The following NRXN3 variants were observed in gnomAD, a reference collection of about 807,000 sequenced individuals.
NRXN3 encodes neurexin 3.
NRXN3 carries 32 observed loss-of-function variants against 137.6 expected under a neutral mutation model. The ratio of observed to expected loss-of-function variants is 0.23; its 90% CI spans 0.18 to 0.31. NRXN3 has a LOEUF of 0.31. NRXN3 is among the 10% of genes least tolerant of loss of function. The pLI, the probability that NRXN3 is intolerant of heterozygous loss-of-function variation, is 1.00. For missense variants in NRXN3, 1,574 were observed against 2,062.5 expected (o/e 0.76, Z 4.59); for synonymous variants, 798 against 784.5 (o/e 1.02, Z -0.29).
chr14:78,666,958 T>A (rs567508109), intron 6 of NRXN3, among the ~76,000 whole-genome samples: 1 of 152,320 alleles, frequency 6.6e-6, no homozygotes, highest in East Asian at 1.9e-4. Flanking sequence ...CTTTTCCTAT[T>A]ACTCTAAATG....
At chr14:79,829,172 G>A in intron 20 of NRXN3, among the ~76,000 whole-genome samples, 1 of 152,244 alleles carries the variant, frequency 6.6e-6, no homozygotes. Context: ...TTGGGTTTGT[G>A]TGCTTACAGT....
chr14:79,442,560 A>G (rs533671222), intron 15 of NRXN3, among the ~76,000 whole-genome samples: 1 of 152,340 alleles, frequency 6.6e-6, no homozygotes, highest in African/African-American at 2.4e-5. Context: ...CACAGCAGGG[A>G]CAGGACATGG....
chr14:79,446,673 C>T (rs1024594421), intron 15 of NRXN3, among the ~76,000 whole-genome samples: 82 of 152,172 alleles, frequency 5.4e-4, no homozygotes, highest in African/African-American at 1.9e-3. Flanking sequence ...TTCTTTTTCT[C>T]CTATCCCAAA....
At chr14:79,550,137 T>C (rs569280007) in intron 16 of NRXN3, among the ~76,000 whole-genome samples, 54 of 152,078 alleles carry the variant, frequency 3.6e-4, no homozygotes, top group Non-Finnish European at 6.6e-4. Context: ...ACCAAGCTAA[T>C]TTTTTTATTT....
At chr14:79,773,967 C>G (rs2139891006) in intron 19 of NRXN3, among the ~76,000 whole-genome samples, 1 of 151,812 alleles carries the variant, frequency 6.6e-6, no homozygotes, top group African/African-American at 2.4e-5. Context: ...AATGAATAAA[C>G]TAATTAATAA....
chr14:78,834,888 G>C (rs1027674652), intron 10 of NRXN3, among the ~76,000 whole-genome samples: 1 of 152,290 alleles, frequency 6.6e-6, no homozygotes, highest in Admixed American at 6.5e-5. Flanking sequence ...AGAAAAGAGA[G>C]AGAGGATGCT....
chr14:78,320,666 T>C (rs1211555960), intron 4 of NRXN3, among the ~76,000 whole-genome samples: 1 of 152,204 alleles, frequency 6.6e-6, no homozygotes, highest in African/African-American at 2.4e-5. Context: ...TGCCTCACGC[T>C]GGTGGTCAAC....
intron 8 of NRXN3, among the ~76,000 whole-genome samples, chr14:78,765,229 C>G (rs1276908450): frequency 2.6e-5 from 4 of 152,154 alleles, no homozygotes; most frequent in Non-Finnish European, 5.9e-5. Context: ...TCTTGGCTCA[C>G]TGCAACCTCC....
intron 4 of NRXN3, among the ~76,000 whole-genome samples, chr14:78,513,710 G>A (rs1050250055): frequency 1.3e-5 from 2 of 152,076 alleles, no homozygotes; most frequent in African/African-American, 4.8e-5. Flanking sequence ...TTTTATGGTG[G>A]TCTGTAACAT....
At chr14:78,448,117 A>T (rs560500652) in intron 4 of NRXN3, among the ~76,000 whole-genome samples, 1 of 151,912 alleles carries the variant, frequency 6.6e-6, no homozygotes, top group Non-Finnish European at 1.5e-5. Context: ...AACCATAATA[A>T]TTTTTTCCTT....
chr14:78,555,254 A>G (rs1219369869), intron 4 of NRXN3, among the ~76,000 whole-genome samples: 4 of 152,214 alleles, frequency 2.6e-5, no homozygotes, highest in African/African-American at 9.6e-5. Context: ...ATGATTTCAT[A>G]TGCAATTTTG....
chr14:78,940,528 A>G (rs982536687), intron 10 of NRXN3, among the ~76,000 whole-genome samples: 3 of 152,154 alleles, frequency 2.0e-5, no homozygotes, highest in Admixed American at 2.0e-4. Flanking sequence ...TTCTCCTTTT[A>G]TCTCCAGCCA....
rs144267643 is a variant in NRXN3, at chr14:79,160,676, A to C, written c.3262+172535A>C. 4.7e-3 allele frequency among the ~76,000 whole-genome samples: 708 copies of C among 152,044 alleles called. 3 individuals are homozygous for C. Among genetic ancestry groups the C allele is most frequent in the Non-Finnish European group, 8.4e-3 (571 of 67,900 alleles). On this transcript the variant is annotated intron_variant, in intron 15 of 20. Coordinates refer to ENST00000335750, the MANE Select transcript of NRXN3 (RefSeq NM_001330195.2). Reference sequence around the variant, plus strand: ...AGCTTTCAGTAATCTCAAGGAAAAAAAAACACTTGCCATCTGCAATTTACT... The same window carrying C: ...AGCTTTCAGTAATCTCAAGGAAAAACAAACACTTGCCATCTGCAATTTACT...
At chr14:79,425,344 G>A (rs1380029617) in intron 15 of NRXN3, among the ~76,000 whole-genome samples, 1 of 152,096 alleles carries the variant, frequency 6.6e-6, no homozygotes, top group Non-Finnish European at 1.5e-5. Context: ...TTATAAAAGT[G>A]ACAAAAATTC....
At chr14:79,568,575 A>G (rs1236403715) in intron 16 of NRXN3, among the ~76,000 whole-genome samples, 3 of 151,990 alleles carry the variant, frequency 2.0e-5, no homozygotes, top group Non-Finnish European at 4.4e-5. Context: ...AGGCCCCAAT[A>G]TTTTCTCCTG....
chr14:79,167,794 G>C (rs915549146), intron 15 of NRXN3, among the ~76,000 whole-genome samples: 1 of 151,564 alleles, frequency 6.6e-6, no homozygotes, highest in African/African-American at 2.4e-5. Context: ...CACCTCTCTG[G>C]AGCTGCCAAA....
intron 19 of NRXN3, among the ~76,000 whole-genome samples, chr14:79,785,257 A>G (rs2099126008): frequency 6.6e-6 from 1 of 152,138 alleles, no homozygotes; most frequent in Non-Finnish European, 1.5e-5. Flanking sequence ...ATTAGTGTAC[A>G]TTTGATTTGA....
rs1213697509 is a variant in NRXN3 at position 78,968,302 on chromosome 14, A to G, written c.3098A>G (p.Asn1033Ser). Reference protein sequence around the residue: ...DLNGRLPDLINDALHRSGQIE... With the variant: ...DLNGRLPDLISDALHRSGQIE... The stretch of plus-strand genomic sequence containing the variant: ...AATGGACGCCTGCCAGACCTCATCA[A>G]TGATGCTCTTCATCGGAGCGGACAG... The change falls in exon 14 of 21, where the codon AAT (asparagine) becomes AGT (serine). Residue 1033 changes from asparagine (N) to serine (S), a missense_variant. Asn to Ser is a conservative substitution (Grantham distance 46, BLOSUM62 1). This residue lies in a region of NRXN3 where 718 missense variants were observed against 887.6 expected (regional missense o/e 0.81). Transcript: ENST00000335750. 3 of 1,613,970 alleles carry G rather than the reference A, an allele frequency of 1.9e-6. No homozygotes were observed. Among genetic ancestry groups the G allele is most frequent in the Non-Finnish European group, 2.5e-6 (3 of 1,179,942 alleles).
At chr14:79,337,669 T>G (rs2092352865) in intron 15 of NRXN3, among the ~76,000 whole-genome samples, 1 of 152,168 alleles carries the variant, frequency 6.6e-6, no homozygotes, top group Admixed American at 6.6e-5. Flanking sequence ...CTCTTTGGAA[T>G]CTGGTGCAAT....
Sources: gnomAD v4.1 joint callset for allele counts (sites outside exome capture counted in the v4.1 genomes callset) on GRCh38, gnomAD v4.1.1 for gene constraint, gnomAD v4.1.1 regional missense constraint, MANE v1.5 for transcripts, NCBI Gene and HGNC (gene_info 2026-07-23, HGNC 2026-07-21) for gene names.